ZBTB16: variants seen among roughly 807,000 people sequenced by gnomAD.
ZBTB16 encodes the protein zinc finger and BTB domain-containing protein 16.
In ZBTB16, 8 loss-of-function variants were observed where a neutral mutation model predicts 56.8. That is an observed-to-expected ratio of 0.14 (90% CI 0.08 to 0.25). The LOEUF (loss-of-function observed/expected upper bound fraction) is 0.25, where lower values mean the gene tolerates loss of function less well. ZBTB16 is among the 10% of genes least tolerant of loss of function. The pLI, the probability that ZBTB16 is intolerant of heterozygous loss-of-function variation, is 1.00. For missense variants in ZBTB16, 625 were observed against 903.0 expected (o/e 0.69, Z 3.95); for synonymous variants, 363 against 368.5 (o/e 0.98, Z 0.17).
chr11:114,223,053 G>T (rs572483359), intron 4 of ZBTB16, among the ~76,000 whole-genome samples: 1 of 152,324 alleles, frequency 6.6e-6, no homozygotes, highest in South Asian at 2.1e-4. Flanking sequence ...AGAAGTTGTT[G>T]TCAGGTTTGA....
rs1944978420 is a variant in ZBTB16, at chr11:114,255,088, A to G, written c.*4533A>G. ...GCCGTGGTGGTGCACCATGACATCC[A>G]ACCCGTATATATAAAGATAAATATA... On this transcript the variant is annotated 3_prime_UTR_variant, in exon 7 of 7. Transcript: ENST00000335953. Among the ~76,000 whole-genome samples the G allele has an allele frequency of 6.6e-6, 1 of 152,196 alleles. No individual in the cohort carries two copies. The highest frequency in any genetic ancestry group is 6.5e-5 in the Admixed American group (1 of 15,292).
intron 4 of ZBTB16, among the ~76,000 whole-genome samples, chr11:114,198,463 G>A (rs541082792): frequency 5.3e-5 from 8 of 152,290 alleles, no homozygotes; most frequent in Non-Finnish European, 1.0e-4. Context: ...GAACAACCCA[G>A]CCGTCTCCTG....
intron 4 of ZBTB16, among the ~76,000 whole-genome samples, chr11:114,230,144 G>A (rs539130370): frequency 9.5e-4 from 145 of 152,224 alleles, no homozygotes; most frequent in African/African-American, 3.2e-3. Context: ...TAGAGCTCCT[G>A]GGCTCGATTT....
At chr11:114,076,856 C>G (rs1939586321) in intron 2 of ZBTB16, among the ~76,000 whole-genome samples, 1 of 152,078 alleles carries the variant, frequency 6.6e-6, no homozygotes, top group Non-Finnish European at 1.5e-5. Flanking sequence ...GCGCCTTTCC[C>G]CCCTTCATAA....
At chr11:114,197,378 G>A (rs1943633652) in intron 4 of ZBTB16, among the ~76,000 whole-genome samples, 1 of 152,026 alleles carries the variant, frequency 6.6e-6, no homozygotes, top group South Asian at 2.1e-4. Flanking sequence ...CACCCAAAGG[G>A]TCCTCTTCGT....
chr11:114,154,839 A>G (rs376358469), intron 2 of ZBTB16, among the ~76,000 whole-genome samples: 2 of 152,200 alleles, frequency 1.3e-5, no homozygotes, highest in East Asian at 3.9e-4. Flanking sequence ...AGCTCTGCTG[A>G]GAGAACTTTG....
chr11:114,241,881 A>G lies in ZBTB16; in HGVS notation c.1454-286A>G, dbSNP rs77208590. 6.4e-3 allele frequency among the ~76,000 whole-genome samples: 978 copies of G among 152,190 alleles called. 6 individuals carry two copies. Among genetic ancestry groups the G allele is most frequent in the African/African-American group, 0.022 (926 of 41,506 alleles). On this transcript the variant is annotated intron_variant, in intron 4 of 6. Transcript: ENST00000335953. ...GTCTTAGTACCTTGCCGCCTTTTAC[A>G]TACCACCCGACACAGTTGCCCACTA...
intron 2 of ZBTB16, among the ~76,000 whole-genome samples, chr11:114,147,756 G>A (rs1477322334): frequency 6.6e-6 from 1 of 152,152 alleles, no homozygotes; most frequent in African/African-American, 2.4e-5. Flanking sequence ...AACTGCCCTG[G>A]CTGTAATACC....
intron 2 of ZBTB16, among the ~76,000 whole-genome samples, chr11:114,133,882 G>A (rs1258255454): frequency 2.0e-5 from 3 of 152,196 alleles, no homozygotes; most frequent in Non-Finnish European, 1.5e-5. Flanking sequence ...CCTTTCTCAG[G>A]CAGCTATCCC....
At chr11:114,198,727 A>G (rs571216309) in intron 4 of ZBTB16, among the ~76,000 whole-genome samples, 3 of 152,270 alleles carry the variant, frequency 2.0e-5, no homozygotes, top group East Asian at 1.9e-4. Flanking sequence ...CATTTGTTAC[A>G]ATTGGTGAGT....
intron 2 of ZBTB16, among the ~76,000 whole-genome samples, chr11:114,120,280 C>A (rs558874777): frequency 3.0e-4 from 45 of 152,298 alleles, no homozygotes; most frequent in African/African-American, 1.1e-3. Context: ...AGGCAGAGCC[C>A]ACAACACATC....
chr11:114,210,448 C>T (rs559190713), intron 4 of ZBTB16, among the ~76,000 whole-genome samples: 7 of 152,292 alleles, frequency 4.6e-5, no homozygotes, highest in African/African-American at 1.4e-4. Context: ...CGAGCATCCC[C>T]GTTCAGTGGG....
At chr11:114,249,457 C>CAAA (rs57092004) in intron 6 of ZBTB16, among the ~76,000 whole-genome samples, 6 of 24,190 alleles carry the variant, frequency 2.5e-4, no homozygotes, top group Admixed American at 7.4e-4. Flanking sequence ...GACTCCATCT[C>CAAA]AAAAAAAAAA....
chr11:114,185,476 G>A (rs1232900066), intron 3 of ZBTB16, among the ~76,000 whole-genome samples: 1 of 152,222 alleles, frequency 6.6e-6, no homozygotes, highest in Non-Finnish European at 1.5e-5. Flanking sequence ...GACAGGTTAT[G>A]GAAGGCCTTG....
At chr11:114,102,466 A>G (rs575888439) in intron 2 of ZBTB16, among the ~76,000 whole-genome samples, 1 of 152,054 alleles carries the variant, frequency 6.6e-6, no homozygotes, top group Non-Finnish European at 1.5e-5. Context: ...CTTCTCCTTC[A>G]TCACAGCAGT....
intron 4 of ZBTB16, among the ~76,000 whole-genome samples, chr11:114,223,317 A>G (rs1419447424): frequency 6.6e-6 from 1 of 152,180 alleles, no homozygotes; most frequent in East Asian, 1.9e-4. Flanking sequence ...ACACCTAACA[A>G]TCGCACGTAT....
At chr11:114,206,424 C>T (rs753649925) in intron 4 of ZBTB16, among the ~76,000 whole-genome samples, 1 of 152,188 alleles carries the variant, frequency 6.6e-6, no homozygotes, top group Non-Finnish European at 1.5e-5. Context: ...ACCCACAACT[C>T]TGTGCCATCT....
chr11:114,072,925 G>A (rs1441782243), intron 2 of ZBTB16, among the ~76,000 whole-genome samples: 3 of 152,020 alleles, frequency 2.0e-5, no homozygotes, highest in East Asian at 1.9e-4. Flanking sequence ...GGTGGGGGGC[G>A]CCTGTAGTCC....
intron 2 of ZBTB16, among the ~76,000 whole-genome samples, chr11:114,098,397 G>T (rs1163128687): frequency 6.6e-6 from 1 of 151,966 alleles, no homozygotes; most frequent in Non-Finnish European, 1.5e-5. Flanking sequence ...GGCATTTCTA[G>T]GTTTATTTTA....
Sources: gnomAD v4.1 joint callset for allele counts (sites outside exome capture counted in the v4.1 genomes callset) on GRCh38, gnomAD v4.1.1 for gene constraint, MANE v1.5 for transcripts, NCBI Gene and HGNC (gene_info 2026-07-23, HGNC 2026-07-21) for gene names.